The following ANXA4 variants were observed in gnomAD, a reference collection of about 807,000 sequenced individuals.
ANXA4 encodes annexin A4.
A neutral mutation model predicts 49.8 loss-of-function variants in ANXA4; 39 were observed. That is an observed-to-expected ratio of 0.78 (90% CI 0.61 to 1.02). The LOEUF (loss-of-function observed/expected upper bound fraction) is 1.02. Among genes scored for constraint, ANXA4 ranks in the 50% least tolerant of loss-of-function variants. The pLI is 0.00. For missense variants in ANXA4, 360 were observed against 410.1 expected (o/e 0.88, Z 1.05); for synonymous variants, 134 against 152.5 (o/e 0.88, Z 0.89).
intron 12 of ANXA4, among the ~76,000 whole-genome samples, chr2:69,822,825 GT>G (rs1674301170): frequency 6.6e-6 from 1 of 151,918 alleles, no homozygotes; most frequent in Non-Finnish European, 1.5e-5. Flanking sequence ...TGATGAAAGG[GT>G]TTTAGAAATA....
At chr2:69,655,223 C>T (rs1676391481) in intron 2 of ANXA4, among the ~76,000 whole-genome samples, 1 of 152,118 alleles carries the variant, frequency 6.6e-6, no homozygotes, top group Non-Finnish European at 1.5e-5. Flanking sequence ...AAGAAACTGT[C>T]ATCAGAGTGA....
intron 2 of ANXA4, among the ~76,000 whole-genome samples, chr2:69,706,521 C>T (rs1461474033): frequency 2.6e-5 from 4 of 151,814 alleles, no homozygotes; most frequent in Non-Finnish European, 4.4e-5. Context: ...AGGCTGGTCT[C>T]GAACTCCTGA....
At chr2:69,766,024 A>T (rs144743961) in intron 1 of ANXA4, among the ~76,000 whole-genome samples, 40 of 152,290 alleles carry the variant, frequency 2.6e-4, no homozygotes, top group Non-Finnish European at 4.9e-4. Context: ...CCAGGATGAG[A>T]ATTTGGAGAG....
chr2:69,730,721 C>T (rs1670074856), intron 3 of ANXA4, among the ~76,000 whole-genome samples: 1 of 152,192 alleles, frequency 6.6e-6, no homozygotes, highest in African/African-American at 2.4e-5. Context: ...AAGAAACTGT[C>T]TAAATCTGTT....
chr2:69,703,097 C>G (rs1340751002), intron 2 of ANXA4, among the ~76,000 whole-genome samples: 2 of 152,094 alleles, frequency 1.3e-5, no homozygotes. Context: ...TTTCCCTGCC[C>G]CCTTTCTCAC....
chr2:69,726,416 C>G (rs1669963917), intron 3 of ANXA4, among the ~76,000 whole-genome samples: 1 of 152,194 alleles, frequency 6.6e-6, no homozygotes, highest in Admixed American at 6.5e-5. Context: ...TCCAAGCATT[C>G]TTCAGCTCAG....
At chr2:69,798,774 G>A (rs888423862) in intron 3 of ANXA4, among the ~76,000 whole-genome samples, 3 of 152,146 alleles carry the variant, frequency 2.0e-5, no homozygotes, top group African/African-American at 4.8e-5. Flanking sequence ...AGTAGAGTCC[G>A]CTCCTTTACT....
chr2:69,710,450 T>C (rs189604324), intron 2 of ANXA4, among the ~76,000 whole-genome samples: 193 of 152,362 alleles, frequency 1.3e-3, no homozygotes, highest in African/African-American at 4.6e-3. Context: ...TTTTATTAGA[T>C]TGTAACTTGT....
chr2:69,783,437 G>A (rs537796258), intron 2 of ANXA4, among the ~76,000 whole-genome samples: 2 of 152,150 alleles, frequency 1.3e-5, no homozygotes, highest in South Asian at 2.1e-4. Flanking sequence ...GGCTGGTCTC[G>A]AACTCCTGAC....
At chr2:69,813,758 CTTT>C (rs35151857) in intron 8 of ANXA4, among the ~76,000 whole-genome samples, 3 of 82,024 alleles carry the variant, frequency 3.7e-5, no homozygotes, top group Admixed American at 1.4e-4. Flanking sequence ...CTCTCTCTCT[CTTT>C]TTTTTTTTTT....
intron 9 of ANXA4, chr2:69,817,039 T>C (rs562665419): frequency 6.6e-6 from 1 of 152,236 alleles, no homozygotes; most frequent in Non-Finnish European, 1.5e-5. Flanking sequence ...TGTTAATCAA[T>C]ATCCCGGGCT....
upstream of ANXA4, among the ~76,000 whole-genome samples, chr2:69,741,247 T>C (rs1207543779): frequency 1.3e-5 from 2 of 152,198 alleles, no homozygotes; most frequent in African/African-American, 4.8e-5. Context: ...GCCTATAGAC[T>C]CAACGGATTC....
At position 69,815,933 on chromosome 2, in the gene ANXA4, T is replaced by C. The variant is rs889245399; in HGVS notation, c.535-168T>C. On this transcript the variant is annotated intron_variant, in intron 8 of 12. Transcript: ENST00000394295. ...GTATGACAGGGTCCCAACAGCCTTA[T>C]GCCTGAGGAAGGATCCTGAGTCATT... The C allele has an allele frequency of 8.2e-6, 5 of 607,834 alleles. No individual in the cohort carries two copies. The East Asian group carries it at 8.4e-5, about 10-fold the overall frequency. 37.7% of individuals were successfully genotyped at this position (607,834 alleles called of 1,614,324 possible).
upstream of ANXA4, among the ~76,000 whole-genome samples, chr2:69,741,167 G>C (rs184914832): frequency 6.6e-6 from 1 of 152,246 alleles, no homozygotes; most frequent in East Asian, 1.9e-4. Context: ...TAACCACTTA[G>C]ATTTTGATGT....
At chr2:69,740,680 C>CTTTTTTTTTTTTTTTTTTTTTTTTCTT (rs3077548), upstream of ANXA4, among the ~76,000 whole-genome samples, 1 of 75,780 alleles carries the variant, frequency 1.3e-5, no homozygotes, top group Non-Finnish European at 2.4e-5. Flanking sequence ...CTTTCTTCCT[C>CTTTTTTTTTTTTTTTTTTTTTTTTCTT]TTTTTTTTTT....
At chr2:69,775,617 G>A (rs1671931145) in intron 1 of ANXA4, among the ~76,000 whole-genome samples, 1 of 152,220 alleles carries the variant, frequency 6.6e-6, no homozygotes, top group Admixed American at 6.5e-5. Flanking sequence ...TAGTGTGTGG[G>A]TTAGTTTTAT....
intron 1 of ANXA4, among the ~76,000 whole-genome samples, chr2:69,651,467 T>G (rs1394529726): frequency 1.3e-5 from 2 of 152,194 alleles, no homozygotes; most frequent in Non-Finnish European, 2.9e-5. Flanking sequence ...GTATACTTCA[T>G]ATATTACCTG....
intron 3 of ANXA4, among the ~76,000 whole-genome samples, chr2:69,725,008 G>A (rs1411396510): frequency 6.6e-6 from 1 of 152,156 alleles, no homozygotes; most frequent in African/African-American, 2.4e-5. Context: ...TTGTTTCATG[G>A]CACTCGTCAA....
upstream of ANXA4, chr2:69,643,893 C>A (rs577589529): frequency 1.7e-6 from 2 of 1,170,024 alleles, no homozygotes; most frequent in East Asian, 7.8e-5. Context: ...GGGAAGGAGT[C>A]GACCGCGAGA....
Sources: allele counts gnomAD v4.1 joint callset (sites outside exome capture counted in the v4.1 genomes callset), GRCh38; gene constraint gnomAD v4.1.1; transcripts MANE v1.5; gene names NCBI Gene and HGNC (gene_info 2026-07-23, HGNC 2026-07-21).